The following CSMD2 variants were observed in gnomAD, a reference collection of about 807,000 sequenced individuals.
The protein encoded by CSMD2 is CUB and sushi domain-containing protein 2.
In CSMD2, 130 loss-of-function variants were observed where a neutral mutation model predicts 398.5. The observed-to-expected ratio is 0.33, with a 90% CI of 0.28 to 0.38. The LOEUF is 0.38. CSMD2 is among the 10% of genes least tolerant of loss of function. The pLI is 1.00. For missense variants in CSMD2, 3,829 were observed against 4,764.9 expected, an observed-to-expected ratio of 0.80 and a Z score of 5.78; for synonymous variants, 1,828 against 1,908.5, an observed-to-expected ratio of 0.96 and a Z score of 1.10.
At chr1:33,679,225 T>C (rs548885162) in intron 25 of CSMD2, among the ~76,000 whole-genome samples, 1 of 130,754 alleles carries the variant, frequency 7.6e-6, no homozygotes, top group African/African-American at 2.8e-5. Context: ...TTTTTTGAGA[T>C]AGAGTCTTGC....
At chr1:34,151,317 G>A (rs1229014692) in intron 1 of CSMD2, among the ~76,000 whole-genome samples, 2 of 152,210 alleles carry the variant, frequency 1.3e-5, no homozygotes, top group Non-Finnish European at 2.9e-5. Flanking sequence ...CAGTCCCAAT[G>A]CTCCTAGGCA....
intron 2 of CSMD2, among the ~76,000 whole-genome samples, chr1:34,083,287 G>C (rs1484481805): frequency 1.1e-4 from 17 of 152,032 alleles, no homozygotes; most frequent in Admixed American, 1.1e-3. Flanking sequence ...AGGAAAGAGG[G>C]GCCCCCAAAG....
At chr1:33,763,749 A>G (rs977751175) in intron 13 of CSMD2, among the ~76,000 whole-genome samples, 3 of 152,208 alleles carry the variant, frequency 2.0e-5, no homozygotes, top group African/African-American at 7.2e-5. Flanking sequence ...AGCCCAGCTA[A>G]GCATGATGGT....
At chr1:33,810,650 T>C in intron 10 of CSMD2, 93 bp downstream of exon 10, 2 of 1,220,982 alleles carry the variant, frequency 1.6e-6, no homozygotes, top group Non-Finnish European at 2.3e-6. Flanking sequence ...GAATCTACCA[T>C]CAGTAAGTTC....
intron 3 of CSMD2, among the ~76,000 whole-genome samples, chr1:33,977,131 T>G (rs56338706): frequency 0.017 from 2,588 of 152,114 alleles, 86 homozygotes; most frequent in African/African-American, 0.058. Context: ...CCACCTACTC[T>G]GAGCCAGATC....
chr1:33,831,370 G>A lies in CSMD2; in HGVS notation c.1034-5596C>T, dbSNP rs1391019621. 4.6e-5 allele frequency among the ~76,000 whole-genome samples: 7 copies of A among 152,288 alleles called. 1 individual carries two copies. The highest frequency in any genetic ancestry group is 1.7e-4 in the African/African-American group (7 of 41,560). ...GGGGCCAATATTCAACATTCTTAAA[G>A]AAAAGAATTTTCAACCCAGAATTTC... On this transcript the variant is annotated intron_variant, in intron 6 of 70. Transcript: ENST00000373381.
At chr1:33,861,346 C>T (rs1639486891) in intron 5 of CSMD2, 1 of 152,140 alleles carries the variant, frequency 6.6e-6, no homozygotes, top group Admixed American at 6.5e-5. Flanking sequence ...TAGGTATTTT[C>T]TATGGTTACT....
intron 12 of CSMD2, among the ~76,000 whole-genome samples, 187 bp from the exon 13 acceptor site, chr1:33,772,938 C>T (rs988603952): frequency 3.9e-5 from 6 of 152,170 alleles, no homozygotes; most frequent in Non-Finnish European, 7.4e-5. Context: ...CCTGTTTCAT[C>T]GCAGCATCCT....
chr1:33,674,915 A>G (rs1571181154), intron 25 of CSMD2, among the ~76,000 whole-genome samples: 1 of 152,348 alleles, frequency 6.6e-6, no homozygotes, highest in East Asian at 1.9e-4. Context: ...ACCAATGAGA[A>G]CAAAGACACA....
chr1:33,611,308 GCTGCCTCATGAAAGCAGCTC>G, intron 40 of CSMD2, 58 bp from the exon 41 acceptor site: 1 of 1,452,222 alleles, frequency 6.9e-7, no homozygotes, highest in East Asian at 2.3e-5. Flanking sequence ...CCTCAAGTGT[GCTGCCTCATGAAAGCAGCTC>G]CTGCCAGAGC....
chr1:33,777,641 T>C (rs756032007), intron 12 of CSMD2, among the ~76,000 whole-genome samples: 2 of 152,210 alleles, frequency 1.3e-5, no homozygotes, highest in Non-Finnish European at 2.9e-5. Context: ...TGGTTTAATA[T>C]AATTCCGTTT....
intron 53 of CSMD2, among the ~76,000 whole-genome samples, chr1:33,560,363 G>A (rs1658430053): frequency 6.6e-6 from 1 of 152,198 alleles, no homozygotes; most frequent in Non-Finnish European, 1.5e-5. Context: ...CATGAGCAGG[G>A]AAGAGAAAAG....
rs147449748 is a variant in CSMD2 at position 34,118,566 on chromosome 1, T to G, written c.188-29373A>C. Among the ~76,000 whole-genome samples the G allele has an allele frequency of 9.7e-3, 1,480 of 152,314 alleles. 22 individuals are homozygous for G. The highest frequency in any genetic ancestry group is 0.034 in the African/African-American group (1,423 of 41,570). Reference sequence around the variant, plus strand: ...ACAATTTCAGCAAAGTTGCTGGATATAAAATCAACACACAAAAATAAGTTG... The same window carrying G: ...ACAATTTCAGCAAAGTTGCTGGATAGAAAATCAACACACAAAAATAAGTTG... On this transcript the variant is annotated intron_variant, in intron 1 of 70. Transcript: ENST00000373381.
chr1:33,547,228 G>A (rs1046935081), intron 56 of CSMD2, among the ~76,000 whole-genome samples: 1 of 152,154 alleles, frequency 6.6e-6, no homozygotes. Context: ...AGGACCCAAG[G>A]AGCGAAGAAG....
chr1:33,613,434 C>T (rs916318178), intron 40 of CSMD2, among the ~76,000 whole-genome samples: 2 of 152,186 alleles, frequency 1.3e-5, no homozygotes, highest in South Asian at 2.1e-4. Context: ...AGGGCGTCAT[C>T]GCTTTGCTCC....
At chr1:33,823,398 T>G (rs966226806) in intron 7 of CSMD2, among the ~76,000 whole-genome samples, 1 of 151,948 alleles carries the variant, frequency 6.6e-6, no homozygotes, top group African/African-American at 2.4e-5. Flanking sequence ...CTTTCTTTTT[T>G]TTTTTTTTAA....
intron 49 of CSMD2, among the ~76,000 whole-genome samples, chr1:33,574,958 G>A (rs1307131082): frequency 6.6e-6 from 1 of 152,230 alleles, no homozygotes. Context: ...GGCAGTGAAG[G>A]AAGTGGGCGG....
intron 25 of CSMD2, among the ~76,000 whole-genome samples, chr1:33,687,624 G>A (rs1645101440): frequency 6.6e-6 from 1 of 152,066 alleles, no homozygotes; most frequent in Admixed American, 6.5e-5. Context: ...TACATTTTAT[G>A]TAAAAGAAAT....
chr1:33,730,156 T>C (rs190078727), intron 15 of CSMD2, among the ~76,000 whole-genome samples: 1 of 152,182 alleles, frequency 6.6e-6, no homozygotes, highest in Non-Finnish European at 1.5e-5. Flanking sequence ...CTATATAATA[T>C]CATGGAGTGG....
Sources: gnomAD v4.1 joint callset for allele counts (sites outside exome capture counted in the v4.1 genomes callset) on GRCh38, gnomAD v4.1.1 for gene constraint, MANE v1.5 for transcripts, NCBI Gene and HGNC (gene_info 2026-07-23, HGNC 2026-07-21) for gene names.